Variants in HS3ST4 observed in about 807,000 individuals in gnomAD.
The protein encoded by HS3ST4 is heparan sulfate glucosamine 3-O-sulfotransferase 4.
In HS3ST4, 17 loss-of-function variants were observed where a neutral mutation model predicts 29.2. That is an observed-to-expected ratio of 0.58 (90% CI 0.40 to 0.87). HS3ST4 has a LOEUF of 0.87. HS3ST4 is among the 40% of genes least tolerant of loss of function. The pLI is 0.00. For missense variants in HS3ST4, 627 were observed against 634.5 expected (o/e 0.99, Z 0.13); for synonymous variants, 314 against 285.7 (o/e 1.10, Z -1.00).
At chr16:26,011,054 AG>A (rs1969305585) in intron 1 of HS3ST4, among the ~76,000 whole-genome samples, 1 of 152,196 alleles carries the variant, frequency 6.6e-6, no homozygotes, top group Admixed American at 6.5e-5. Context: ...TTAATAGCTC[AG>A]GAAGGAAAAC....
intron 1 of HS3ST4, among the ~76,000 whole-genome samples, chr16:25,833,991 G>C (rs940517519): frequency 7.2e-5 from 11 of 152,136 alleles, no homozygotes; most frequent in African/African-American, 1.2e-4. Context: ...AATAAGTGAT[G>C]CTTGGTGGGG....
intron 1 of HS3ST4, among the ~76,000 whole-genome samples, chr16:26,083,812 T>G (rs1898753079): frequency 6.6e-6 from 1 of 152,092 alleles, no homozygotes; most frequent in African/African-American, 2.4e-5. Context: ...AACAGTCATG[T>G]GATGATTGGT....
At chr16:26,060,808 C>T (rs192809008) in intron 1 of HS3ST4, among the ~76,000 whole-genome samples, 1 of 152,212 alleles carries the variant, frequency 6.6e-6, no homozygotes, top group Non-Finnish European at 1.5e-5. Context: ...CAAGTACCAC[C>T]CTGCGATCGG....
chr16:25,928,818 A>G (rs1399469462), intron 1 of HS3ST4, among the ~76,000 whole-genome samples: 3 of 152,128 alleles, frequency 2.0e-5, no homozygotes, highest in Non-Finnish European at 4.4e-5. Context: ...ACCAGAATCG[A>G]TGCAGCCCAA....
intron 1 of HS3ST4, among the ~76,000 whole-genome samples, chr16:26,099,666 T>C (rs1898969200): frequency 6.6e-6 from 1 of 152,214 alleles, no homozygotes; most frequent in African/African-American, 2.4e-5. Context: ...AACAAATATG[T>C]ACTGAGGGCC....
At chr16:25,728,491 C>G (rs1011632928) in intron 1 of HS3ST4, among the ~76,000 whole-genome samples, 2 of 152,124 alleles carry the variant, frequency 1.3e-5, no homozygotes, top group Non-Finnish European at 2.9e-5. Flanking sequence ...ATATAAAGAG[C>G]CTAGCCTGAC....
At chr16:25,792,082 T>C (rs764427246) in intron 1 of HS3ST4, among the ~76,000 whole-genome samples, 21 of 152,056 alleles carry the variant, frequency 1.4e-4, no homozygotes, top group Non-Finnish European at 1.3e-4. Flanking sequence ...ATTATACTTA[T>C]CATTTTTATG....
At chr16:25,711,223 G>A (rs929586560) in intron 1 of HS3ST4, among the ~76,000 whole-genome samples, 1 of 152,014 alleles carries the variant, frequency 6.6e-6, no homozygotes, top group African/African-American at 2.4e-5. Context: ...GTCTCAGCAC[G>A]TTGGGTAACT....
chr16:25,821,092 C>T (rs958271531), intron 1 of HS3ST4, among the ~76,000 whole-genome samples: 13 of 143,980 alleles, frequency 9.0e-5, no homozygotes, highest in Non-Finnish European at 1.5e-4. Flanking sequence ...CAGTCTTGCT[C>T]AGTCGCCCAG....
rs1184536769 is a variant in HS3ST4, at chr16:25,928,440, C to G, written c.735-207172C>G. 2.6e-5 allele frequency among the ~76,000 whole-genome samples: 4 copies of G among 152,060 alleles called. No homozygotes were observed. In the South Asian group the frequency reaches 6.2e-4, roughly 24 times the overall value. On this transcript the variant is annotated intron_variant, in intron 1 of 1. Transcript: ENST00000331351. ...TCAGGTCACCAAGGAAAAACAAAGCCAACAACAAAATCACAAAAGTACCCT... is the reference window on the plus strand; with the variant it reads ...TCAGGTCACCAAGGAAAAACAAAGCGAACAACAAAATCACAAAAGTACCCT...
intron 1 of HS3ST4, among the ~76,000 whole-genome samples, chr16:25,829,472 G>A (rs1410632049): frequency 6.6e-6 from 1 of 152,144 alleles, no homozygotes; most frequent in Non-Finnish European, 1.5e-5. Context: ...TGTTACGTAG[G>A]TATACATGTA....
At position 25,924,392 on chromosome 16, in the gene HS3ST4, C is replaced by T. The variant is rs146065093; in HGVS notation, c.735-211220C>T. Among the ~76,000 whole-genome samples the T allele has an allele frequency of 5.9e-5, 9 of 152,256 alleles. No homozygotes were observed. The South Asian group carries it at 1.0e-3, about 18-fold the overall frequency. ...TCCTGTGTCCTCTGAGGCTCTGCAC[C>T]GATCCATTTTCCTCCCCACATCCGG... On this transcript the variant is annotated intron_variant, in intron 1 of 1. Transcript: ENST00000331351.
intron 1 of HS3ST4, among the ~76,000 whole-genome samples, chr16:25,922,304 A>T (rs1035892669): frequency 2.0e-5 from 3 of 152,142 alleles, no homozygotes; most frequent in African/African-American, 7.2e-5. Context: ...TATGAATGGG[A>T]TTGGTACCCT....
intron 1 of HS3ST4, among the ~76,000 whole-genome samples, chr16:25,789,468 T>TG (rs1966864203): frequency 1.7e-5 from 2 of 117,750 alleles, no homozygotes; most frequent in African/African-American, 3.2e-5. Flanking sequence ...CCTTCCTTCC[T>TG]TCTTTCTTTC....
At chr16:25,966,334 T>C (rs1053294316) in intron 1 of HS3ST4, among the ~76,000 whole-genome samples, 3 of 152,188 alleles carry the variant, frequency 2.0e-5, no homozygotes, top group African/African-American at 7.2e-5. Flanking sequence ...TGAAGGTTGC[T>C]GGGGACCAGT....
intron 1 of HS3ST4, among the ~76,000 whole-genome samples, chr16:25,711,435 T>A (rs1441965912): frequency 2.0e-5 from 3 of 152,066 alleles, no homozygotes; most frequent in African/African-American, 7.2e-5. Context: ...GGGAAAGCAG[T>A]GCTTCTCTGC....
At chr16:25,997,698 C>T (rs1469993653) in intron 1 of HS3ST4, among the ~76,000 whole-genome samples, 3 of 152,092 alleles carry the variant, frequency 2.0e-5, no homozygotes, top group Admixed American at 6.6e-5. Context: ...GATCATGAAC[C>T]TAAAATCAAA....
rs145793359 is a variant in HS3ST4 at position 25,957,478 on chromosome 16, C to T, written c.735-178134C>T. Among the ~76,000 whole-genome samples the T allele has an allele frequency of 3.5e-3, 527 of 152,122 alleles. 7 individuals carry two copies. Among genetic ancestry groups the T allele is most frequent in the East Asian group, 0.028 (146 of 5,150 alleles). On this transcript the variant is annotated intron_variant, in intron 1 of 1. Transcript: ENST00000331351. ...TGTTGCCCAGGCTGGAGTGCAATGG[C>T]GCGATCTCCACTCACTGCAACCTCT...
intron 1 of HS3ST4, among the ~76,000 whole-genome samples, chr16:25,852,562 G>A (rs1379487387): frequency 1.3e-5 from 2 of 150,912 alleles, no homozygotes; most frequent in African/African-American, 2.4e-5. Context: ...TTTTTAAATG[G>A]GCAATCTTTT....
Sources: allele counts gnomAD v4.1 joint callset (sites outside exome capture counted in the v4.1 genomes callset), GRCh38; gene constraint gnomAD v4.1.1; transcripts MANE v1.5; gene names NCBI Gene and HGNC (gene_info 2026-07-23, HGNC 2026-07-21).